TSPAN15: variants seen among roughly 807,000 people sequenced by gnomAD.
The protein encoded by TSPAN15 is tetraspanin 15.
Under a neutral mutation model 34.5 loss-of-function variants are expected in TSPAN15, and 20 were observed. The observed-to-expected ratio is 0.58, with a 90% CI of 0.41 to 0.84. The LOEUF is 0.84. TSPAN15 is among the 40% of genes least tolerant of loss of function. The probability of loss-of-function intolerance (pLI) is 0.00; values close to 1 mark genes in which losing one functional copy is unlikely to be tolerated. For missense variants in TSPAN15, 313 were observed against 386.1 expected, an observed-to-expected ratio of 0.81 and a Z score of 1.59; for synonymous variants, 155 against 153.9, an observed-to-expected ratio of 1.01 and a Z score of -0.05.
At chr10:69,526,567 G>A in the TSPAN15 span, among the ~76,000 whole-genome samples, 1 of 148,120 alleles carries the variant, frequency 6.8e-6, no homozygotes, top group African/African-American at 2.5e-5. Flanking sequence ...GCTGAGGTGG[G>A]CAAATGGCCT....
the TSPAN15 span, among the ~76,000 whole-genome samples, chr10:69,546,102 G>C: frequency 1.3e-5 from 2 of 152,124 alleles, no homozygotes; most frequent in Non-Finnish European, 1.5e-5. Flanking sequence ...TCACCTCCTT[G>C]TGGCATTTGA....
In TSPAN15 at chr10:69,451,545, C is replaced by T. The variant is rs543971544; in HGVS notation, c.-50C>T. ...GGGCCACGAGCGCTGGCTGAGGGAC[C>T]GAGCCGGAGAGCCCCGGAGCCCCCG... On this transcript the variant is annotated 5_prime_UTR_variant, in exon 1 of 8. Coordinates refer to ENST00000373290, the MANE Select transcript of TSPAN15 (RefSeq NM_012339.5). The T allele has an allele frequency of 3.7e-6, 5 of 1,337,962 alleles. No individual in the cohort carries two copies. The highest frequency in any genetic ancestry group is 1.5e-5 in the African/African-American group (1 of 65,358). The allele number at this position is 1,337,962 out of a possible 1,614,324, so 82.9% of individuals were successfully genotyped here. A position where few individuals can be genotyped will look rare whatever the true frequency, so the allele number is the denominator to read the frequency against.
intron 1 of TSPAN15, among the ~76,000 whole-genome samples, chr10:69,472,426 C>A (rs1419247211): frequency 6.6e-6 from 1 of 152,182 alleles, no homozygotes; most frequent in Non-Finnish European, 1.5e-5. Flanking sequence ...CACATCTACC[C>A]CAGGGTTTTG....
At chr10:69,493,347 CCT>C (rs1237704904) in intron 3 of TSPAN15, among the ~76,000 whole-genome samples, 2 of 152,216 alleles carry the variant, frequency 1.3e-5, no homozygotes, top group Non-Finnish European at 2.9e-5. Flanking sequence ...GCCTGCATCT[CCT>C]CTCTTCTCTT....
At chr10:69,519,650 A>G in the TSPAN15 span, among the ~76,000 whole-genome samples, 1 of 152,198 alleles carries the variant, frequency 6.6e-6, no homozygotes, top group African/African-American at 2.4e-5. Context: ...ATGGAAATGT[A>G]TGTTATTCTC....
chr10:69,484,157 A>G (rs1841798802), intron 2 of TSPAN15: 4 of 329,382 alleles, frequency 1.2e-5, no homozygotes, highest in Admixed American at 4.3e-5. Flanking sequence ...GAGAGCAAGC[A>G]AAGACAAAAA....
intron 1 of TSPAN15, among the ~76,000 whole-genome samples, chr10:69,466,124 G>A (rs963154697): frequency 7.2e-5 from 11 of 152,248 alleles, no homozygotes; most frequent in African/African-American, 2.4e-5. Flanking sequence ...CAGAAGTGGG[G>A]CCAGCATCAC....
the TSPAN15 span, among the ~76,000 whole-genome samples, chr10:69,537,968 C>T: frequency 0.34 from 51,553 of 152,070 alleles, 8,992 homozygotes; most frequent in East Asian, 0.44. Flanking sequence ...AAGACCTGCA[C>T]GGTTGAGTTC....
In TSPAN15 at chr10:69,507,454, TCTC is replaced by T. The variant is rs1284707435; in HGVS notation, c.*477_*479del. 7.7e-7 allele frequency: 1 copy of T among 1,298,678 alleles called. No homozygotes were observed. The allele number at this position is 1,298,678 out of a possible 1,614,324, so 80.4% of individuals were successfully genotyped here. The stretch of plus-strand genomic sequence containing the variant: ...CACGCCCATGGCCAGGTTGGCCTCT[TCTC>T]AGCCTCCCAGGTGCCTTGAGCCCTC... On this transcript the variant is annotated 3_prime_UTR_variant, in exon 8 of 8. Coordinates refer to ENST00000373290, the MANE Select transcript of TSPAN15 (RefSeq NM_012339.5).
At chr10:69,498,895 G>T (rs1842145095) in intron 5 of TSPAN15, among the ~76,000 whole-genome samples, 1 of 152,150 alleles carries the variant, frequency 6.6e-6, no homozygotes, top group Non-Finnish European at 1.5e-5. Context: ...GGAGCTTAGC[G>T]GGGGTAGCTG....
intron 4 of TSPAN15, 93 bp downstream of exon 4, chr10:69,495,782 T>C (rs750071410): frequency 1.2e-4 from 104 of 884,482 alleles, no homozygotes; most frequent in Non-Finnish European, 1.7e-4. Context: ...AGGGACCAGG[T>C]GACTTATCCA....
intron 5 of TSPAN15, among the ~76,000 whole-genome samples, chr10:69,500,220 G>T (rs961315994): frequency 2.0e-5 from 3 of 152,194 alleles, no homozygotes; most frequent in Non-Finnish European, 4.4e-5. Flanking sequence ...GAGCAGTGAT[G>T]CAGCCTCAGC....
At position 69,462,068 on chromosome 10, in the gene TSPAN15, C is replaced by A. The variant is rs1044004556; in HGVS notation, c.96+10378C>A. ...CAATCATGGCTCACTGTGGCCTTGA[C>A]CTCCTGGGCTCAAGTGATCCTCCCA... is the stretch of plus-strand genomic sequence containing the variant. On this transcript the variant is annotated intron_variant, in intron 1 of 7. Transcript: ENST00000373290. Among the ~76,000 whole-genome samples the A allele has an allele frequency of 4.0e-5, 6 of 151,818 alleles. No homozygotes were observed. The South Asian group carries it at 6.2e-4, about 16-fold the overall frequency.
the TSPAN15 span, chr10:69,523,491 C>A: frequency 1.9e-6 from 1 of 518,830 alleles, no homozygotes; most frequent in South Asian, 1.6e-5. Flanking sequence ...CTAACAGGGC[C>A]AGACTGTGTA....
intron 3 of TSPAN15, chr10:69,494,918 GA>G: frequency 1.0e-6 from 1 of 967,338 alleles, no homozygotes; most frequent in Non-Finnish European, 1.2e-6. Flanking sequence ...TGTTGATCCA[GA>G]AAGCGCAGCG....
chr10:69,451,581 G>T lies in TSPAN15; in HGVS notation c.-14G>T. ...GCCCCGGAGCCCCCGTAACCCGCGC[G>T]GGGAGCGCCCAGGATGCCGCGCGGG... On this transcript the variant is annotated 5_prime_UTR_variant, in exon 1 of 8. Coordinates refer to ENST00000373290, the MANE Select transcript of TSPAN15 (RefSeq NM_012339.5). The T allele has an allele frequency of 2.8e-6, 4 of 1,451,954 alleles. No homozygotes were observed. The highest frequency in any genetic ancestry group is 3.6e-6 in the Non-Finnish European group (4 of 1,098,752). 89.9% of individuals were successfully genotyped at this position (1,451,954 alleles called of 1,614,324 possible). A position where few individuals can be genotyped will look rare whatever the true frequency, so the allele number is the denominator to read the frequency against.
chr10:69,493,471 T>C (rs1469662653), intron 3 of TSPAN15, among the ~76,000 whole-genome samples: 1 of 44,332 alleles, frequency 2.3e-5, no homozygotes, highest in East Asian at 3.1e-4. Flanking sequence ...GCCCATCTCC[T>C]TTTTTTTTTT....
intron 3 of TSPAN15, among the ~76,000 whole-genome samples, chr10:69,493,538 T>G (rs1021220472): frequency 4.9e-5 from 7 of 143,716 alleles, no homozygotes; most frequent in Non-Finnish European, 9.0e-5. Flanking sequence ...AGTGGTGCCA[T>G]CTCGGCTCAC....
downstream of TSPAN15, among the ~76,000 whole-genome samples, chr10:69,507,843 C>G (rs1842368670): frequency 6.6e-6 from 1 of 151,272 alleles, no homozygotes; most frequent in Admixed American, 6.6e-5. Flanking sequence ...GAGGTGACCA[C>G]GCCTATTTTA....
Sources: gnomAD v4.1 joint callset for allele counts (sites outside exome capture counted in the v4.1 genomes callset) on GRCh38, gnomAD v4.1.1 for gene constraint, MANE v1.5 for transcripts, NCBI Gene and HGNC (gene_info 2026-07-23, HGNC 2026-07-21) for gene names.